Variants in CNTNAP2 observed in about 807,000 individuals in gnomAD.
CNTNAP2 encodes contactin associated protein 2.
A neutral mutation model predicts 155.2 loss-of-function variants in CNTNAP2; 98 were observed. The ratio of observed to expected loss-of-function variants is 0.63; its 90% CI spans 0.54 to 0.75. The LOEUF (loss-of-function observed/expected upper bound fraction) is 0.75. Ranked by LOEUF, CNTNAP2 falls within the 30% of genes least tolerant of loss-of-function variation. The pLI is 0.00. For synonymous variants in CNTNAP2, 651 were observed against 631.2 expected, an observed-to-expected ratio of 1.03 and a Z score of -0.47; for missense variants, 1,727 against 1,688.1, an observed-to-expected ratio of 1.02 and a Z score of -0.40.
Position 147,549,340 on chromosome 7 carries a change from G to A in CNTNAP2, c.1778-12798G>A, listed in dbSNP as rs550657077. 3.9e-5 allele frequency among the ~76,000 whole-genome samples: 6 copies of A among 152,126 alleles called. No individual in the cohort carries two copies. In the South Asian group the frequency reaches 1.2e-3, roughly 32 times the overall value. On this transcript the variant is annotated intron_variant, in intron 11 of 23. Transcript: ENST00000361727. ...ACGTCCCTTGTAAGTTGTATTCCTA[G>A]GTTTTTATTCTCTTTGTAGTAATTG... is the stretch of plus-strand genomic sequence containing the variant.
intron 1 of CNTNAP2, among the ~76,000 whole-genome samples, chr7:146,174,889 A>G (rs138091105): frequency 6.4e-4 from 97 of 152,188 alleles, no homozygotes; most frequent in African/African-American, 2.3e-3. Flanking sequence ...GGAGGAAATA[A>G]TCAATAAATT....
chr7:146,542,777 A>C (rs113075893), intron 1 of CNTNAP2, among the ~76,000 whole-genome samples: 1,743 of 152,148 alleles, frequency 0.011, 30 homozygotes, highest in African/African-American at 0.04. Context: ...GTTGAATTAC[A>C]TGACTTGTTT....
intron 1 of CNTNAP2, among the ~76,000 whole-genome samples, chr7:146,340,780 A>G (rs1801369389): frequency 6.6e-6 from 1 of 152,180 alleles, no homozygotes; most frequent in Non-Finnish European, 1.5e-5. Context: ...CCTACATCAT[A>G]TTTTATGAGT....
rs902664691 is a variant in CNTNAP2, at chr7:148,420,843, C to T, written c.*5227C>T. On this transcript the variant is annotated 3_prime_UTR_variant, in exon 24 of 24. Transcript: ENST00000361727. ...TCCCCTGTGAAATAACACAAAATTT[C>T]ACTCTCTAAAAGCAACAGCATGTAA... 2.0e-5 allele frequency: 3 copies of T among 152,624 alleles called. No individual in the cohort carries two copies. The highest frequency in any genetic ancestry group is 7.2e-5 in the African/African-American group (3 of 41,444). 9.5% of individuals were successfully genotyped at this position (152,624 alleles called of 1,614,324 possible).
intron 1 of CNTNAP2, among the ~76,000 whole-genome samples, chr7:146,672,686 A>G (rs1184030494): frequency 6.6e-6 from 1 of 152,198 alleles, no homozygotes; most frequent in Non-Finnish European, 1.5e-5. Context: ...AAAAAGCCAT[A>G]GTTTTAGTAT....
chr7:147,204,655 G>T (rs1452619233), intron 8 of CNTNAP2, among the ~76,000 whole-genome samples: 1 of 151,958 alleles, frequency 6.6e-6, no homozygotes, highest in Non-Finnish European at 1.5e-5. Flanking sequence ...TTATATTTAT[G>T]ATTTTATAGG....
At chr7:147,080,291 G>A (rs771569301) in intron 4 of CNTNAP2, among the ~76,000 whole-genome samples, 34 of 152,118 alleles carry the variant, frequency 2.2e-4, no homozygotes, top group Non-Finnish European at 8.8e-5. Context: ...ATTATCCAAC[G>A]TAAACATGTC....
intron 1 of CNTNAP2, among the ~76,000 whole-genome samples, chr7:146,282,981 T>C (rs1800272959): frequency 6.6e-6 from 1 of 152,196 alleles, no homozygotes; most frequent in Non-Finnish European, 1.5e-5. Context: ...TATCACATCT[T>C]CAAATATTTA....
intron 1 of CNTNAP2, among the ~76,000 whole-genome samples, chr7:146,568,495 T>TA (rs1798392135): frequency 6.6e-6 from 1 of 152,216 alleles, no homozygotes; most frequent in Non-Finnish European, 1.5e-5. Context: ...GTTCAAATTT[T>TA]AAAAACACTT....
chr7:147,257,887 A>G (rs1004749027), intron 8 of CNTNAP2, among the ~76,000 whole-genome samples: 25 of 152,234 alleles, frequency 1.6e-4, no homozygotes, highest in Admixed American at 3.3e-4. Flanking sequence ...GAGAGAGGCA[A>G]CAGAACAGAT....
intron 1 of CNTNAP2, among the ~76,000 whole-genome samples, chr7:146,471,537 G>A (rs1399132598): frequency 6.6e-6 from 1 of 152,204 alleles, no homozygotes; most frequent in Admixed American, 6.5e-5. Flanking sequence ...CTGTGATAGA[G>A]CACTCCTTTC....
intron 8 of CNTNAP2, among the ~76,000 whole-genome samples, chr7:147,276,830 CAA>C: frequency 6.9e-6 from 1 of 145,292 alleles, no homozygotes; most frequent in Non-Finnish European, 1.5e-5. Flanking sequence ...GTTCAATTGA[CAA>C]AAAAAAAACT....
chr7:147,403,870 G>C (rs1388740428), intron 10 of CNTNAP2, among the ~76,000 whole-genome samples: 3 of 152,066 alleles, frequency 2.0e-5, no homozygotes, highest in Non-Finnish European at 2.9e-5. Flanking sequence ...TTTTATGACA[G>C]ATTTCCTTTC....
intron 4 of CNTNAP2, among the ~76,000 whole-genome samples, chr7:147,048,551 G>C (rs1049320001): frequency 2.0e-5 from 3 of 152,056 alleles, no homozygotes; most frequent in Non-Finnish European, 4.4e-5. Flanking sequence ...TTTTAGAAAA[G>C]AAAAGACAAA....
chr7:148,238,488 C>T (rs1321769062), intron 20 of CNTNAP2, among the ~76,000 whole-genome samples: 1 of 152,220 alleles, frequency 6.6e-6, no homozygotes, highest in Non-Finnish European at 1.5e-5. Flanking sequence ...GAGAAGCAAG[C>T]TCACTCCTGT....
intron 1 of CNTNAP2, 46 bp downstream of exon 1, chr7:146,117,019 G>T (rs1797494187): frequency 1.3e-6 from 2 of 1,494,256 alleles, no homozygotes; most frequent in Non-Finnish European, 1.8e-6. Context: ...TTTCAGTGCG[G>T]CATTGATGTT....
chr7:146,212,574 A>T (rs1269293887), intron 1 of CNTNAP2, among the ~76,000 whole-genome samples: 1 of 152,182 alleles, frequency 6.6e-6, no homozygotes, highest in Non-Finnish European at 1.5e-5. Flanking sequence ...TAATATTATC[A>T]GGTTATTTTA....
intron 13 of CNTNAP2, among the ~76,000 whole-genome samples, chr7:147,790,016 C>G (rs562339310): frequency 7.2e-5 from 11 of 152,274 alleles, no homozygotes; most frequent in African/African-American, 2.6e-4. Context: ...AGTCAATACT[C>G]CTTAATAAAC....
chr7:146,762,925 A>G (rs961223379), intron 1 of CNTNAP2, among the ~76,000 whole-genome samples: 1 of 152,196 alleles, frequency 6.6e-6, no homozygotes, highest in African/African-American at 2.4e-5. Context: ...GGTCCCTCCC[A>G]TGACATGTGG....
Sources: gnomAD v4.1 joint callset for allele counts (sites outside exome capture counted in the v4.1 genomes callset) on GRCh38, gnomAD v4.1.1 for gene constraint, MANE v1.5 for transcripts, NCBI Gene and HGNC (gene_info 2026-07-23, HGNC 2026-07-21) for gene names.